Variants in ATG7 observed in about 807,000 individuals in gnomAD.
ATG7 encodes ubiquitin-like modifier-activating enzyme ATG7.
ATG7 carries 70 observed loss-of-function variants against 82.4 expected under a neutral mutation model. The ratio of observed to expected loss-of-function variants is 0.85; its 90% CI spans 0.70 to 1.04. The LOEUF (loss-of-function observed/expected upper bound fraction) is 1.04. ATG7 is among the 50% of genes least tolerant of loss of function. The probability of loss-of-function intolerance (pLI) is 0.00; values close to 1 mark genes in which losing one functional copy is unlikely to be tolerated. For missense variants in ATG7, 792 were observed against 864.3 expected (o/e 0.92, Z 1.05); for synonymous variants, 287 against 313.0 (o/e 0.92, Z 0.88).
intron 19 of ATG7, among the ~76,000 whole-genome samples, chr3:11,406,489 G>A (rs927809484): frequency 1.3e-5 from 2 of 152,052 alleles, no homozygotes; most frequent in African/African-American, 4.8e-5. Flanking sequence ...AAAAAAATTT[G>A]TAGAGATGAC....
intron 20 of ATG7, among the ~76,000 whole-genome samples, chr3:11,533,816 A>G (rs969258278): frequency 2.0e-5 from 3 of 152,218 alleles, no homozygotes; most frequent in Non-Finnish European, 4.4e-5. Flanking sequence ...AAGAAACTAG[A>G]AGCAGAAAAC....
chr3:11,538,670 C>A (rs1339978630), intron 20 of ATG7, among the ~76,000 whole-genome samples: 2 of 102,012 alleles, frequency 2.0e-5, no homozygotes, highest in Non-Finnish European at 3.6e-5. Context: ...TGATGAAACT[C>A]CGTCTCTAAA....
intron 14 of ATG7, among the ~76,000 whole-genome samples, chr3:11,353,641 G>A (rs1368807718): frequency 6.6e-6 from 1 of 152,092 alleles, no homozygotes; most frequent in Non-Finnish European, 1.5e-5. Context: ...TAATGAGTGA[G>A]TTCTCGACCT....
At chr3:11,280,469 G>C (rs945333348) in intron 1 of ATG7, among the ~76,000 whole-genome samples, 2 of 152,212 alleles carry the variant, frequency 1.3e-5, no homozygotes, top group African/African-American at 4.8e-5. Context: ...TTTGAACTCA[G>C]GTCTCTCTGG....
chr3:11,320,699 C>T (rs1174236769), intron 9 of ATG7, among the ~76,000 whole-genome samples: 4 of 152,260 alleles, frequency 2.6e-5, no homozygotes. Flanking sequence ...ATTGTGTCTG[C>T]ATCCCATGGC....
chr3:11,306,755 G>C (rs886922160), intron 5 of ATG7, among the ~76,000 whole-genome samples, 188 bp from the exon 6 acceptor site: 1 of 152,122 alleles, frequency 6.6e-6, no homozygotes, highest in Non-Finnish European at 1.5e-5. Context: ...AGGCTTTTAG[G>C]GGGGAATGGT....
rs57073881 is a variant in ATG7 at position 11,442,739 on chromosome 3, CAA to C, written c.2079+15844_2079+15845del. ...GCAGCATAGTGAGACTCCATCTCTACAAAAAAAAAAAAAAAAAAAAAAAAAAA... is the reference window on the plus strand; with the variant it reads ...GCAGCATAGTGAGACTCCATCTCTACAAAAAAAAAAAAAAAAAAAAAAAAA... On this transcript the variant is annotated intron_variant, in intron 20 of 20. Coordinates refer to ENST00000693202, the MANE Select transcript of ATG7 (RefSeq NM_001349232.2). Among the ~76,000 whole-genome samples, 180 of 69,248 alleles carry C rather than the reference CAA, an allele frequency of 2.6e-3. 5 individuals carry two copies. Among genetic ancestry groups the C allele is most frequent in the South Asian group, 8.1e-3 (12 of 1,486 alleles). 45.4% of individuals were successfully genotyped at this position (69,248 alleles called of 152,430 possible). A position where few individuals can be genotyped will look rare whatever the true frequency, so the allele number is the denominator to read the frequency against.
At position 11,489,785 on chromosome 3, in the gene ATG7, T is replaced by C. The variant is rs897857929; in HGVS notation, c.2079+62859T>C. Among the ~76,000 whole-genome samples, 19 of 151,626 alleles carry C rather than the reference T, an allele frequency of 1.3e-4. 1 individual carries two copies. Among genetic ancestry groups the C allele is most frequent in the Admixed American group, 9.9e-4 (15 of 15,196 alleles). On this transcript the variant is annotated intron_variant, in intron 20 of 20. Transcript: ENST00000693202. ...GTTCAGTTTCCATGTAGTTGAGCGG[T>C]TTTGAGTGAGTTTCTTAATCCTGAG...
Position 11,482,385 on chromosome 3 carries a change from T to TG in ATG7, c.2079+55460dup, listed in dbSNP as rs1178112704. Among the ~76,000 whole-genome samples, 3 of 152,346 alleles carry TG rather than the reference T, an allele frequency of 2.0e-5. No homozygotes were observed. The East Asian group carries it at 5.8e-4, about 29-fold the overall frequency. On this transcript the variant is annotated intron_variant, in intron 20 of 20. Transcript: ENST00000693202. ...TGGAATCTCTTCCCTTGGCTTCTTC[T>TG]GACCTCTTGTCCCTCAGTCTGTAGC...
intron 9 of ATG7, among the ~76,000 whole-genome samples, chr3:11,317,873 G>C (rs1056260010): frequency 3.3e-5 from 5 of 152,210 alleles, no homozygotes; most frequent in Non-Finnish European, 5.9e-5. Flanking sequence ...TTACAGGCGT[G>C]AGCCACTGTG....
intron 19 of ATG7, among the ~76,000 whole-genome samples, chr3:11,416,992 A>G (rs9310381): frequency 0.51 from 78,048 of 151,884 alleles, 20,960 homozygotes; most frequent in East Asian, 0.68. Context: ...AGATATTCCA[A>G]TTATCTTTCT....
At chr3:11,312,930 C>A (rs1948886685) in intron 7 of ATG7, among the ~76,000 whole-genome samples, 1 of 151,982 alleles carries the variant, frequency 6.6e-6, no homozygotes, top group Admixed American at 6.6e-5. Flanking sequence ...GGTTTTTTAC[C>A]CCTTTGTAAG....
At chr3:11,442,739 C>CA (rs57073881) in intron 20 of ATG7, among the ~76,000 whole-genome samples, 4,968 of 68,640 alleles carry the variant, frequency 0.072, 527 homozygotes, top group Admixed American at 0.11. Context: ...TCCATCTCTA[C>CA]AAAAAAAAAA....
At chr3:11,306,610 A>T (rs924771809) in intron 5 of ATG7, among the ~76,000 whole-genome samples, 8 of 152,194 alleles carry the variant, frequency 5.3e-5, no homozygotes, top group Admixed American at 5.2e-4. Context: ...TGTTATGAGA[A>T]TTCAAACTGT....
At chr3:11,569,449 A>T in the ATG7 span, among the ~76,000 whole-genome samples, 23 of 152,224 alleles carry the variant, frequency 1.5e-4, no homozygotes, top group South Asian at 4.6e-3. Context: ...AAAAACCAAC[A>T]TCCTGAGGCG....
chr3:11,551,753 CT>C (rs111362668), intron 20 of ATG7, among the ~76,000 whole-genome samples: 33,427 of 146,884 alleles, frequency 0.23, 4,099 homozygotes, highest in African/African-American at 0.3. Flanking sequence ...CTTTTCTTTT[CT>C]TTTTTTTTTC....
At chr3:11,273,789 C>T (rs919203223) in intron 1 of ATG7, among the ~76,000 whole-genome samples, 22 of 151,966 alleles carry the variant, frequency 1.4e-4, no homozygotes, top group African/African-American at 5.1e-4. Context: ...GTGGCGGTGG[C>T]GGCATTGTCA....
intron 19 of ATG7, among the ~76,000 whole-genome samples, chr3:11,413,735 G>A (rs1482024426): frequency 6.6e-6 from 1 of 152,182 alleles, no homozygotes; most frequent in Non-Finnish European, 1.5e-5. Flanking sequence ...TCAGGCTACT[G>A]CTGGCCTCAT....
chr3:11,564,660 G>GCATCCCTCACCACCTC, the ATG7 span: 1 of 833,096 alleles, frequency 1.2e-6, no homozygotes, highest in Admixed American at 2.8e-5. Context: ...GCGAAGGGTG[G>GCATCCCTCACCACCTC]CATCCCTCAC....
Sources: gnomAD v4.1 joint callset for allele counts (sites outside exome capture counted in the v4.1 genomes callset) on GRCh38, gnomAD v4.1.1 for gene constraint, MANE v1.5 for transcripts, NCBI Gene and HGNC (gene_info 2026-07-23, HGNC 2026-07-21) for gene names.